The following RGL3 variants were observed in gnomAD, a reference collection of about 807,000 sequenced individuals.
RGL3 encodes the protein ral guanine nucleotide dissociation stimulator like 3.
In RGL3, 85 loss-of-function variants were observed where a neutral mutation model predicts 90.6. The ratio of observed to expected loss-of-function variants is 0.94; its 90% CI spans 0.79 to 1.12. The LOEUF (loss-of-function observed/expected upper bound fraction) is 1.12, where lower values mean the gene tolerates loss of function less well. RGL3 is among the 50% of genes most tolerant of loss of function. The probability of loss-of-function intolerance (pLI) is 0.00; values close to 1 mark genes in which losing one functional copy is unlikely to be tolerated. For synonymous variants in RGL3, 408 were observed against 385.5 expected (o/e 1.06, Z -0.68); for missense variants, 1,034 against 939.2 (o/e 1.10, Z -1.32).
Position 11,406,797 on chromosome 19 carries a change from C to T in RGL3, c.705G>A (p.Gly235=), listed in dbSNP as rs1416714994. The change falls in exon 6 of 19, where the codon GGG becomes GGA. Residue 235 remains glycine (G), a synonymous_variant. Coordinates refer to ENST00000380456, the MANE Select transcript of RGL3 (RefSeq NM_001035223.4). ...GGAGCTGGGGACCTTGAGGCATGAG[C>T]CCTTCCTCTTCCTCCGCGCAGGCCT... ...SSEACAEEEE[G]LMPQGPQLLD... is the part of the protein sequence containing the mutation. The T allele has an allele frequency of 6.2e-7, 1 of 1,614,010 alleles. No individual in the cohort carries two copies. Among genetic ancestry groups the T allele is most frequent in the Admixed American group, 1.7e-5 (1 of 60,022 alleles).
chr19:11,395,928 C>T (rs1297785077), intron 18 of RGL3, among the ~76,000 whole-genome samples: 2 of 145,214 alleles, frequency 1.4e-5, no homozygotes, highest in African/African-American at 5.2e-5. Context: ...TGCCCGGCCC[C>T]CTTTTTTTTT....
intron 7 of RGL3, among the ~76,000 whole-genome samples, 185 bp downstream of exon 7, chr19:11,406,234 C>T (rs1302336935): frequency 6.6e-6 from 1 of 152,098 alleles, no homozygotes; most frequent in Non-Finnish European, 1.5e-5. Flanking sequence ...GGGACCTAGT[C>T]GTGCCCGCGG....
intron 18 of RGL3, 77 bp downstream of exon 18, chr19:11,397,167 G>A (rs1968587899): frequency 4.0e-6 from 5 of 1,242,382 alleles, no homozygotes; most frequent in Non-Finnish European, 5.8e-6. Context: ...GTAACCTTGG[G>A]CTCCATCCTT....
chr19:11,394,101 T>C lies in RGL3; in HGVS notation c.*301A>G. 6.4e-6 allele frequency: 2 copies of C among 314,282 alleles called. No homozygotes were observed. The highest frequency in any genetic ancestry group is 7.7e-5 in the South Asian group (2 of 26,048). The allele number at this position is 314,282 out of a possible 1,614,324, so 19.5% of individuals were successfully genotyped here. ...ACTATTTTCATCCGCATCTGTCACT[T>C]CTGATGCGTCTCTAACATTTATAAG... On this transcript the variant is annotated 3_prime_UTR_variant, in exon 19 of 19. Coordinates refer to ENST00000380456, the MANE Select transcript of RGL3 (RefSeq NM_001035223.4).
At position 11,394,381 on chromosome 19, in the gene RGL3, T is replaced by A. The variant is rs1968527601; in HGVS notation, c.*21A>T. On this transcript the variant is annotated 3_prime_UTR_variant, in exon 19 of 19. Coordinates refer to ENST00000380456, the MANE Select transcript of RGL3 (RefSeq NM_001035223.4). ...AAGCTTGCCTGTGGGACTTGTGTCT[T>A]GTGGAGAGGACAGGGCTGCCTCAGC... is the stretch of plus-strand genomic sequence containing the variant. The A allele has an allele frequency of 1.3e-6, 2 of 1,577,014 alleles. No homozygotes were observed. Among genetic ancestry groups the A allele is most frequent in the Non-Finnish European group, 1.7e-6 (2 of 1,146,492 alleles).
intron 5 of RGL3, among the ~76,000 whole-genome samples, chr19:11,407,738 A>G (rs761248915): frequency 2.7e-5 from 4 of 150,068 alleles, no homozygotes; most frequent in Non-Finnish European, 4.4e-5. Flanking sequence ...CCAGGCTGGA[A>G]TGCAATGGCG....
intron 18 of RGL3, among the ~76,000 whole-genome samples, chr19:11,395,397 G>C (rs1195389516): frequency 1.3e-5 from 2 of 152,116 alleles, no homozygotes; most frequent in Admixed American, 1.3e-4. Context: ...GCTTCTCCCT[G>C]TCAGACAGGA....
chr19:11,400,351 A>G, intron 13 of RGL3, 54 bp from the exon 14 acceptor site: 1 of 1,457,498 alleles, frequency 6.9e-7, no homozygotes, highest in Non-Finnish European at 9.2e-7. Flanking sequence ...CAGGGGATGG[A>G]GAGATAAGAG....
chr19:11,397,583 C>A lies in RGL3; in HGVS notation c.1761G>T (p.Leu587=). 6.4e-7 allele frequency: 1 copy of A among 1,569,278 alleles called. No homozygotes were observed. Among genetic ancestry groups the A allele is most frequent in the Non-Finnish European group, 8.6e-7 (1 of 1,156,118 alleles). The change falls in exon 17 of 19, where the codon CTG becomes CTT. Residue 587 remains leucine (L), a synonymous_variant. Coordinates refer to ENST00000380456, the MANE Select transcript of RGL3 (RefSeq NM_001035223.4). ...CGAAGGGCCGGGGGCTGGGCAGGTC[C>A]AGGCTCAGGGGCAGCTGCAGGCAGT... ...QGPSTKLPLS[L]DLPSPRPFAL... is the part of the protein sequence containing the mutation.
At position 11,405,735 on chromosome 19, in the gene RGL3, C is replaced by G. The variant is rs1327703979; in HGVS notation, c.997-309G>C. Among the ~76,000 whole-genome samples the G allele has an allele frequency of 3.3e-5, 5 of 149,748 alleles. No individual in the cohort carries two copies. The South Asian group carries it at 6.4e-4, about 19-fold the overall frequency. On this transcript the variant is annotated intron_variant, in intron 7 of 18. Transcript: ENST00000380456. The stretch of plus-strand genomic sequence containing the variant: ...TATTTGGACAGAGTCTCGCTTTATC[C>G]CCCAGGCTGGAATGCAGTGGCCCGA...
chr19:11,401,474 C>A (rs1008874243), intron 13 of RGL3, among the ~76,000 whole-genome samples: 83 of 151,566 alleles, frequency 5.5e-4, no homozygotes, highest in African/African-American at 1.9e-3. Context: ...CGGCTCCCTG[C>A]AAGCTCTGCC....
rs868683579 is a variant in RGL3, at chr19:11,414,158, T to C, written c.637+1779A>G. ...TCATATATATATATATATATATATA[T>C]ATATATATATATATATATACACCTA... On this transcript the variant is annotated intron_variant, in intron 5 of 18. Transcript: ENST00000380456. Among the ~76,000 whole-genome samples, 206 of 93,318 alleles carry C rather than the reference T, an allele frequency of 2.2e-3. 12 individuals are homozygous for C. The highest frequency in any genetic ancestry group is 8.4e-3 in the South Asian group (20 of 2,378). 61.2% of individuals were successfully genotyped at this position (93,318 alleles called of 152,430 possible). A position where few individuals can be genotyped will look rare whatever the true frequency, so the allele number is the denominator to read the frequency against.
chr19:11,398,658 A>G (rs1368809721), intron 16 of RGL3, among the ~76,000 whole-genome samples: 1 of 137,562 alleles, frequency 7.3e-6, no homozygotes, highest in Non-Finnish European at 1.5e-5. Flanking sequence ...CATTTCCTTC[A>G]TTTCCTTTTC....
rs769487274 is a variant in RGL3 at position 11,416,687 on chromosome 19, C to T, written c.372-20G>A. On this transcript the variant is annotated intron_variant, in intron 3 of 18. Coordinates refer to ENST00000380456, the MANE Select transcript of RGL3 (RefSeq NM_001035223.4). Reference sequence around the variant, plus strand: ...TCTACCCTGGGAAGAGGCCCCCCAGCAGGTGAAGAAGGGGGAACCTAGAGG... The same window carrying T: ...TCTACCCTGGGAAGAGGCCCCCCAGTAGGTGAAGAAGGGGGAACCTAGAGG... 2.5e-6 allele frequency: 4 copies of T among 1,613,540 alleles called. No homozygotes were observed. Among genetic ancestry groups the T allele is most frequent in the Non-Finnish European group, 2.5e-6 (3 of 1,179,602 alleles).
chr19:11,404,149 T>C (rs1233262045), intron 9 of RGL3, among the ~76,000 whole-genome samples: 1 of 152,080 alleles, frequency 6.6e-6, no homozygotes, highest in Non-Finnish European at 1.5e-5. Flanking sequence ...TCCCAAAGTG[T>C]TGGGATTATA....
At chr19:11,416,811 A>G (rs933491811) in intron 3 of RGL3, 25 bp downstream of exon 3, 2 of 1,611,756 alleles carry the variant, frequency 1.2e-6, no homozygotes, top group African/African-American at 1.3e-5. Context: ...GGTGGAGAAT[A>G]CGGAGGTTAT....
chr19:11,394,990 GGCT>G (rs1348031622), intron 18 of RGL3, among the ~76,000 whole-genome samples: 2 of 151,872 alleles, frequency 1.3e-5, no homozygotes, highest in Admixed American at 6.6e-5. Context: ...CTACTCGGAA[GGCT>G]GAGGCAGGAG....
intron 5 of RGL3, chr19:11,411,406 G>C (rs1968873143): frequency 6.6e-6 from 1 of 151,814 alleles, no homozygotes; most frequent in Admixed American, 6.6e-5. Context: ...TAAGTAGCTG[G>C]GACTATAGGC....
chr19:11,397,632 C>T, intron 16 of RGL3, 35 bp from the exon 17 acceptor site: 1 of 1,492,108 alleles, frequency 6.7e-7, no homozygotes, highest in Non-Finnish European at 9.0e-7. Context: ...TACAGCTTGG[C>T]CCATCTGCAG....
Sources: allele counts gnomAD v4.1 joint callset (sites outside exome capture counted in the v4.1 genomes callset), GRCh38; gene constraint gnomAD v4.1.1; transcripts MANE v1.5; gene names NCBI Gene and HGNC (gene_info 2026-07-23, HGNC 2026-07-21).